Variants in HBA1 observed in about 807,000 individuals in gnomAD.
The protein encoded by HBA1 is hemoglobin subunit alpha 1, also known as hemoglobin subunit alpha.
A neutral mutation model predicts 7.8 loss-of-function variants in HBA1; 3 were observed. The observed-to-expected ratio is 0.38, with a 90% CI of 0.17 to 0.99. The LOEUF (loss-of-function observed/expected upper bound fraction) is 0.99. HBA1 is among the 50% of genes least tolerant of loss of function. HBA1 has a pLI of 0.38. For missense variants in HBA1, 67 were observed against 194.6 expected, an observed-to-expected ratio of 0.34 and a Z score of 3.90; for synonymous variants, 32 against 91.8, an observed-to-expected ratio of 0.35 and a Z score of 3.72.
chr16:177,447 G>T lies in HBA1; in HGVS notation c.*36G>T. 6.2e-7 allele frequency: 1 copy of T among 1,609,618 alleles called. No homozygotes were observed. Among genetic ancestry groups the T allele is most frequent in the Non-Finnish European group, 8.5e-7 (1 of 1,178,170 alleles). On this transcript the variant is annotated 3_prime_UTR_variant, in exon 3 of 3. Transcript: ENST00000320868. ...CGGTGGCCATGCTTCTTGCCCCTTG[G>T]GCCTCCCCCCAGCCCCTCCTCCCCT...
Position 177,512 on chromosome 16 carries a change from A to C in HBA1, c.*101A>C. ...CCCCGTGGTCTTTGAATAAAGTCTG[A>C]GTGGGCGGCAGCCTGTGTGTGCCTG... On this transcript the variant is annotated 3_prime_UTR_variant, in exon 3 of 3. Transcript: ENST00000320868. 1 of 1,457,986 alleles carries C rather than the reference A, an allele frequency of 6.9e-7. No homozygotes were observed. The highest frequency in any genetic ancestry group is 9.4e-7 in the Non-Finnish European group (1 of 1,060,876). 90.3% of individuals were successfully genotyped at this position (1,457,986 alleles called of 1,614,324 possible). A position where few individuals can be genotyped will look rare whatever the true frequency, so the allele number is the denominator to read the frequency against.
At position 177,384 on chromosome 16, in the gene HBA1, C is replaced by T. The variant is rs56308100; in HGVS notation, c.402C>T (p.Ser134=). 3 of 1,613,684 alleles carry T rather than the reference C, an allele frequency of 1.9e-6. No individual in the cohort carries two copies. The highest frequency in any genetic ancestry group is 1.6e-4 in the Middle Eastern group (1 of 6,084). The part of the protein sequence containing the change: ...ASLDKFLASV[S]TVLTSKYR ...TGGACAAGTTCCTGGCTTCTGTGAG[C>T]ACCGTGCTGACCTCCAAATACCGTT... The change falls in exon 3 of 3, where the codon AGC becomes AGT. Residue 134 remains serine (S), a synonymous_variant. Coordinates refer to ENST00000320868, the MANE Select transcript of HBA1 (RefSeq NM_000558.5).
In HBA1 at chr16:177,501, A is replaced by C; in HGVS notation, c.*90A>C. On this transcript the variant is annotated 3_prime_UTR_variant, in exon 3 of 3. Coordinates refer to ENST00000320868, the MANE Select transcript of HBA1 (RefSeq NM_000558.5). Reference sequence around the variant, plus strand: ...TGCACCCGTACCCCCGTGGTCTTTGAATAAAGTCTGAGTGGGCGGCAGCCT... The same window carrying C: ...TGCACCCGTACCCCCGTGGTCTTTGCATAAAGTCTGAGTGGGCGGCAGCCT... 6.6e-7 allele frequency: 1 copy of C among 1,521,656 alleles called. No homozygotes were observed. Among genetic ancestry groups the C allele is most frequent in the Non-Finnish European group, 9.0e-7 (1 of 1,116,402 alleles). 94.3% of individuals were successfully genotyped at this position (1,521,656 alleles called of 1,614,324 possible). A position where few individuals can be genotyped will look rare whatever the true frequency, so the allele number is the denominator to read the frequency against.
intron 2 of HBA1, 31 bp from the exon 3 acceptor site, chr16:177,252 C>G: frequency 6.2e-7 from 1 of 1,611,972 alleles, no homozygotes; most frequent in Non-Finnish European, 8.5e-7. Context: ...GGCCTGGGCC[C>G]TCGGCCCCAC....
chr16:177,246 T>G (rs1271784804), intron 2 of HBA1, 37 bp from the exon 3 acceptor site: 2 of 1,612,696 alleles, frequency 1.2e-6, no homozygotes, highest in African/African-American at 2.7e-5. Context: ...GCTGCGGGCC[T>G]GGGCCCTCGG....
chr16:177,475 C>T lies in HBA1; in HGVS notation c.*64C>T, dbSNP rs1014549550. ...CTCCCCCCAGCCCCTCCTCCCCTTC[C>T]TGCACCCGTACCCCCGTGGTCTTTG... On this transcript the variant is annotated 3_prime_UTR_variant, in exon 3 of 3. Coordinates refer to ENST00000320868, the MANE Select transcript of HBA1 (RefSeq NM_000558.5). 2.0e-5 allele frequency: 32 copies of T among 1,575,924 alleles called. 1 individual carries two copies. The highest frequency in any genetic ancestry group is 1.8e-4 in the Admixed American group (10 of 55,770).
intron 2 of HBA1, 28 bp from the exon 3 acceptor site, chr16:177,255 G>C: frequency 1.2e-6 from 2 of 1,612,948 alleles, no homozygotes; most frequent in Non-Finnish European, 1.7e-6. Flanking sequence ...CTGGGCCCTC[G>C]GCCCCACTGA....
chr16:177,484 T>C lies in HBA1; in HGVS notation c.*73T>C. 3 of 1,549,858 alleles carry C rather than the reference T, an allele frequency of 1.9e-6. No homozygotes were observed. The highest frequency in any genetic ancestry group is 2.3e-5 in the East Asian group (1 of 42,814). On this transcript the variant is annotated 3_prime_UTR_variant, in exon 3 of 3. Coordinates refer to ENST00000320868, the MANE Select transcript of HBA1 (RefSeq NM_000558.5). The stretch of plus-strand genomic sequence containing the variant: ...GCCCCTCCTCCCCTTCCTGCACCCG[T>C]ACCCCCGTGGTCTTTGAATAAAGTC...
Position 177,425 on chromosome 16 carries a change from T to A in HBA1, c.*14T>A. On this transcript the variant is annotated 3_prime_UTR_variant, in exon 3 of 3. Coordinates refer to ENST00000320868, the MANE Select transcript of HBA1 (RefSeq NM_000558.5). ...AAATACCGTTAAGCTGGAGCCTCGG[T>A]GGCCATGCTTCTTGCCCCTTGGGCC... is the stretch of plus-strand genomic sequence containing the variant. 1 of 1,613,248 alleles carries A rather than the reference T, an allele frequency of 6.2e-7. No homozygotes were observed.
At chr16:177,228 A>G in intron 2 of HBA1, 55 bp from the exon 3 acceptor site, 5 of 1,612,344 alleles carry the variant, frequency 3.1e-6, no homozygotes, top group Non-Finnish European at 4.2e-6. Context: ...GGTGTAGCGC[A>G]GGCGGCGGCT....
In HBA1 at chr16:177,278, C is replaced by T. The variant is rs1408543934; in HGVS notation, c.301-5C>T. 6.2e-7 allele frequency: 1 copy of T among 1,613,252 alleles called. No homozygotes were observed. The highest frequency in any genetic ancestry group is 1.7e-5 in the Admixed American group (1 of 60,012). On this transcript the variant is annotated splice_region_variant and splice_polypyrimidine_tract_variant and intron_variant, in intron 2 of 2. Transcript: ENST00000320868. ...TCGGCCCCACTGACCCTCTTCTCTGCACAGCTCCTAAGCCACTGCCTGCTG... is the reference window on the plus strand; with the variant it reads ...TCGGCCCCACTGACCCTCTTCTCTGTACAGCTCCTAAGCCACTGCCTGCTG...
chr16:177,234 C>T lies in HBA1; in HGVS notation c.301-49C>T, dbSNP rs1237458487. ...GTTGCGGGAGGTGTAGCGCAGGCGG[C>T]GGCTGCGGGCCTGGGCCCTCGGCCC... On this transcript the variant is annotated intron_variant, in intron 2 of 2. Coordinates refer to ENST00000320868, the MANE Select transcript of HBA1 (RefSeq NM_000558.5). The T allele has an allele frequency of 9.9e-6, 16 of 1,612,176 alleles. No individual in the cohort carries two copies. Among genetic ancestry groups the T allele is most frequent in the Middle Eastern group, 3.4e-4 (2 of 5,866 alleles).
rs1902176107 is a variant in HBA1, at chr16:177,483, G to A, written c.*72G>A. The A allele has an allele frequency of 6.4e-7, 1 of 1,551,706 alleles. No homozygotes were observed. Among genetic ancestry groups the A allele is most frequent in the Non-Finnish European group, 8.8e-7 (1 of 1,139,142 alleles). ...AGCCCCTCCTCCCCTTCCTGCACCCGTACCCCCGTGGTCTTTGAATAAAGT... is the reference window on the plus strand; with the variant it reads ...AGCCCCTCCTCCCCTTCCTGCACCCATACCCCCGTGGTCTTTGAATAAAGT... On this transcript the variant is annotated 3_prime_UTR_variant, in exon 3 of 3. Transcript: ENST00000320868.
rs33914470 is a variant in HBA1 at position 177,106 on chromosome 16, G to C, written c.273G>C (p.Lys91Asn). Residue 91 changes from lysine to asparagine, a missense_variant, in exon 2 of 3, where the codon AAG becomes AAC. Lys to Asn is a moderately conservative substitution (Grantham distance 94, BLOSUM62 0). Transcript: ENST00000320868. ...CCCTGAGCGACCTGCACGCGCACAA[G>C]CTTCGGGTGGACCCGGTCAACTTCA... ...LSALSDLHAH[K>N]LRVDPVNFKL... The C allele has an allele frequency of 2.5e-5, 39 of 1,556,468 alleles. No individual in the cohort carries two copies. The highest frequency in any genetic ancestry group is 3.2e-5 in the Non-Finnish European group (37 of 1,153,088).
Position 177,268 on chromosome 16 carries a change from C to T in HBA1, c.301-15C>T. ...GCCTGGGCCCTCGGCCCCACTGACC[C>T]TCTTCTCTGCACAGCTCCTAAGCCA... On this transcript the variant is annotated splice_polypyrimidine_tract_variant and intron_variant, in intron 2 of 2. Transcript: ENST00000320868. 3 of 1,613,278 alleles carry T rather than the reference C, an allele frequency of 1.9e-6. No homozygotes were observed. Among genetic ancestry groups the T allele is most frequent in the Non-Finnish European group, 2.5e-6 (3 of 1,179,944 alleles).
intron 2 of HBA1, 64 bp from the exon 3 acceptor site, chr16:177,219 G>C: frequency 6.2e-7 from 1 of 1,612,340 alleles, no homozygotes; most frequent in Non-Finnish European, 8.5e-7. Flanking sequence ...GTTGCGGGAG[G>C]TGTAGCGCAG....
In HBA1 at chr16:177,214, G is replaced by A. The variant is rs1902164765; in HGVS notation, c.301-69G>A. On this transcript the variant is annotated intron_variant, in intron 2 of 2. Transcript: ENST00000320868. ...CAGGGCAGAGGATCACGCGGGTTGCGGGAGGTGTAGCGCAGGCGGCGGCTG... is the reference window on the plus strand; with the variant it reads ...CAGGGCAGAGGATCACGCGGGTTGCAGGAGGTGTAGCGCAGGCGGCGGCTG... 3.7e-6 allele frequency: 6 copies of A among 1,612,134 alleles called. No homozygotes were observed. The South Asian group carries it at 4.4e-5, about 12-fold the overall frequency.
At position 177,458 on chromosome 16, in the gene HBA1, AG is replaced by A; in HGVS notation, c.*48del. On this transcript the variant is annotated 3_prime_UTR_variant, in exon 3 of 3. Transcript: ENST00000320868. ...CTTCTTGCCCCTTGGGCCTCCCCCCAGCCCCTCCTCCCCTTCCTGCACCCGT... is the reference window on the plus strand; with the variant it reads ...CTTCTTGCCCCTTGGGCCTCCCCCCACCCCTCCTCCCCTTCCTGCACCCGT... 1.9e-6 allele frequency: 3 copies of A among 1,594,692 alleles called. No homozygotes were observed. Among genetic ancestry groups the A allele is most frequent in the Non-Finnish European group, 1.7e-6 (2 of 1,167,668 alleles).
In HBA1 at chr16:177,454, C is replaced by A; in HGVS notation, c.*43C>A. The stretch of plus-strand genomic sequence containing the variant: ...CATGCTTCTTGCCCCTTGGGCCTCC[C>A]CCCAGCCCCTCCTCCCCTTCCTGCA... On this transcript the variant is annotated 3_prime_UTR_variant, in exon 3 of 3. Transcript: ENST00000320868. The A allele has an allele frequency of 1.2e-6, 2 of 1,604,852 alleles. No individual in the cohort carries two copies. Among genetic ancestry groups the A allele is most frequent in the South Asian group, 2.2e-5 (2 of 89,928 alleles).
Sources: gnomAD v4.1 joint callset for allele counts on GRCh38, gnomAD v4.1.1 for gene constraint, MANE v1.5 for transcripts, NCBI Gene and HGNC (gene_info 2026-07-23, HGNC 2026-07-21) for gene names.